Variants in TMEM132C observed in about 807,000 individuals in gnomAD.
TMEM132C encodes transmembrane protein 132C, also known as protein phosphatase 1, regulatory subunit 152.
In TMEM132C, 29 loss-of-function variants were observed where a neutral mutation model predicts 61.4. The observed-to-expected ratio is 0.47, with a 90% CI of 0.35 to 0.64. The LOEUF is 0.64. Among genes scored for constraint, TMEM132C ranks in the 30% least tolerant of loss-of-function variants. TMEM132C has a pLI of 0.00. For missense variants in TMEM132C, 1,408 were observed against 1,476.9 expected (o/e 0.95, Z 0.76); for synonymous variants, 656 against 633.1 (o/e 1.04, Z -0.54).
chr12:128,556,418 A>G (rs2136159640), intron 3 of TMEM132C, among the ~76,000 whole-genome samples: 1 of 152,330 alleles, frequency 6.6e-6, no homozygotes, highest in South Asian at 2.1e-4. Flanking sequence ...TGTCCACACC[A>G]TCACCCATTT....
intron 2 of TMEM132C, among the ~76,000 whole-genome samples, chr12:128,457,630 T>C (rs2136064693): frequency 1.3e-5 from 2 of 152,086 alleles, no homozygotes; most frequent in South Asian, 4.2e-4. Flanking sequence ...ATATATTTTA[T>C]TTAGCTCTCA....
intron 1 of TMEM132C, among the ~76,000 whole-genome samples, chr12:128,403,983 C>G (rs1565926054): frequency 6.6e-6 from 1 of 152,158 alleles, no homozygotes; most frequent in Non-Finnish European, 1.5e-5. Flanking sequence ...GGTGGGGGCA[C>G]TGTCTTGTGC....
intron 2 of TMEM132C, among the ~76,000 whole-genome samples, chr12:128,465,066 C>T (rs77452811): frequency 0.065 from 9,918 of 152,184 alleles, 411 homozygotes; most frequent in Middle Eastern, 0.11. Context: ...TCCCTTGAGA[C>T]GTCCTCCTAT....
chr12:128,493,917 T>C (rs1871843190), intron 2 of TMEM132C, among the ~76,000 whole-genome samples: 1 of 152,348 alleles, frequency 6.6e-6, no homozygotes, highest in East Asian at 1.9e-4. Context: ...AGGGCATCCC[T>C]GTCTTGTGCC....
chr12:128,510,210 T>G (rs1872524383), intron 2 of TMEM132C, among the ~76,000 whole-genome samples: 1 of 152,194 alleles, frequency 6.6e-6, no homozygotes, highest in African/African-American at 2.4e-5. Context: ...GAGGCCAACT[T>G]CTTTTATATT....
chr12:128,329,491 T>C (rs914820268), intron 1 of TMEM132C, among the ~76,000 whole-genome samples: 1 of 152,162 alleles, frequency 6.6e-6, no homozygotes, highest in African/African-American at 2.4e-5. Flanking sequence ...TGTGAAAATA[T>C]AGGTTCTTAG....
intron 5 of TMEM132C, among the ~76,000 whole-genome samples, chr12:128,671,310 C>T (rs572355690): frequency 7.2e-5 from 11 of 152,166 alleles, no homozygotes; most frequent in African/African-American, 9.7e-5. Context: ...GGAGGAAGAA[C>T]TGCAATTCCT....
At chr12:128,404,974 ACGTGCTGTC>A (rs1875290194) in intron 1 of TMEM132C, among the ~76,000 whole-genome samples, 4 of 84,660 alleles carry the variant, frequency 4.7e-5, no homozygotes, top group Non-Finnish European at 1.2e-4. Flanking sequence ...ACAGCAATGA[ACGTGCTGTC>A]CACATGGAGG....
chr12:128,355,080 A>T (rs1269507128), intron 1 of TMEM132C, among the ~76,000 whole-genome samples: 4 of 152,224 alleles, frequency 2.6e-5, no homozygotes, highest in Non-Finnish European at 2.9e-5. Flanking sequence ...CTCCCCCTGC[A>T]GTTCAAAGAC....
chr12:128,273,383 T>A (rs1447701637), intron 1 of TMEM132C, among the ~76,000 whole-genome samples: 1 of 152,160 alleles, frequency 6.6e-6, no homozygotes, highest in Non-Finnish European at 1.5e-5. Context: ...TTGATTGGTA[T>A]TTTTATGGTA....
intron 4 of TMEM132C, among the ~76,000 whole-genome samples, chr12:128,649,847 C>T (rs980046405): frequency 3.9e-5 from 6 of 152,120 alleles, no homozygotes; most frequent in Non-Finnish European, 7.4e-5. Flanking sequence ...TTTAAATGCA[C>T]GTTTTGAAAT....
Position 128,668,159 on chromosome 12 carries a change from G to A in TMEM132C, c.1306-1258G>A, listed in dbSNP as rs560143082. On this transcript the variant is annotated intron_variant, in intron 4 of 8. Coordinates refer to ENST00000435159, the MANE Select transcript of TMEM132C (RefSeq NM_001136103.3). The stretch of plus-strand genomic sequence containing the variant: ...TCTGGGCATGGTGACACTTGCCTAT[G>A]TTCCCAGCACTTTGGTAGGCCAAGG... Among the ~76,000 whole-genome samples, 33 of 152,108 alleles carry A rather than the reference G, an allele frequency of 2.2e-4. 1 individual carries two copies. Among genetic ancestry groups the A allele is most frequent in the Middle Eastern group, 6.8e-3 (2 of 294 alleles).
At chr12:128,590,636 AT>A (rs764014714) in intron 3 of TMEM132C, among the ~76,000 whole-genome samples, 1 of 152,118 alleles carries the variant, frequency 6.6e-6, no homozygotes, top group Non-Finnish European at 1.5e-5. Flanking sequence ...CTCCTGCCAG[AT>A]TAAGGAGAAT....
Position 128,371,633 on chromosome 12 carries a change from C to T in TMEM132C, c.86-43099C>T, listed in dbSNP as rs1248044194. ...TGTTGCCTAGGCTGGAATGCAGTGG[C>T]ACAATCGCAGCTCACTGCAGACTCA... On this transcript the variant is annotated intron_variant, in intron 1 of 8. Coordinates refer to ENST00000435159, the MANE Select transcript of TMEM132C (RefSeq NM_001136103.3). 3.3e-5 allele frequency among the ~76,000 whole-genome samples: 5 copies of T among 152,300 alleles called. No homozygotes were observed. The East Asian group carries it at 9.6e-4, about 29-fold the overall frequency.
At chr12:128,613,749 G>T (rs981801440) in intron 3 of TMEM132C, among the ~76,000 whole-genome samples, 1 of 152,184 alleles carries the variant, frequency 6.6e-6, no homozygotes, top group African/African-American at 2.4e-5. Context: ...CCACTGAGCA[G>T]GACTGAGGGT....
chr12:128,278,025 G>A lies in TMEM132C; in HGVS notation c.85+10538G>A, dbSNP rs1870750457. Among the ~76,000 whole-genome samples the A allele has an allele frequency of 6.6e-6, 1 of 152,086 alleles. No homozygotes were observed. Among genetic ancestry groups the A allele is most frequent in the African/African-American group, 2.4e-5 (1 of 41,426 alleles). ...ACTGACCTCCTCTTGCAGATAAGGA[G>A]ACCTTACTTTCAACCTCAGGTGCTC... is the stretch of plus-strand genomic sequence containing the variant. On this transcript the variant is annotated intron_variant, in intron 1 of 8. Transcript: ENST00000435159. The surrounding 1 kb of genome is among the most constrained non-coding windows in gnomAD (Gnocchi z 4.2).
intron 1 of TMEM132C, among the ~76,000 whole-genome samples, chr12:128,314,112 G>A (rs1447133099): frequency 6.6e-6 from 1 of 152,180 alleles, no homozygotes; most frequent in Non-Finnish European, 1.5e-5. Context: ...TGGCACAAAA[G>A]CAAACAAGAG....
chr12:128,544,897 C>T (rs556909325), intron 3 of TMEM132C, among the ~76,000 whole-genome samples: 20 of 152,294 alleles, frequency 1.3e-4, no homozygotes, highest in East Asian at 9.6e-4. Flanking sequence ...ATTCATCAGA[C>T]GGATTTAACG....
At chr12:128,520,282 C>T (rs1344422863) in intron 2 of TMEM132C, among the ~76,000 whole-genome samples, 1 of 152,216 alleles carries the variant, frequency 6.6e-6, no homozygotes, top group African/African-American at 2.4e-5. Flanking sequence ...CTATAGATGT[C>T]TACCAACGTT....
Sources: allele counts gnomAD v4.1 joint callset (sites outside exome capture counted in the v4.1 genomes callset), GRCh38; gene constraint gnomAD v4.1.1; non-coding constraint Gnocchi (gnomAD v3.1); transcripts MANE v1.5; gene names NCBI Gene and HGNC (gene_info 2026-07-23, HGNC 2026-07-21).